The following LUZP1 variants were observed in gnomAD, a reference collection of about 807,000 sequenced individuals.
The protein encoded by LUZP1 is leucine zipper protein 1.
Under a neutral mutation model 71.3 loss-of-function variants are expected in LUZP1, and 25 were observed. The ratio of observed to expected loss-of-function variants is 0.35; its 90% CI spans 0.26 to 0.49. The LOEUF is 0.49. Ranked by LOEUF, LUZP1 falls within the 20% of genes least tolerant of loss-of-function variation. The pLI is 0.99. For missense variants in LUZP1, 1,142 were observed against 1,300.8 expected (o/e 0.88, Z 1.88); for synonymous variants, 481 against 506.4 (o/e 0.95, Z 0.67).
intron 2 of LUZP1, chr1:23,140,417 C>T (rs1023322304): frequency 1.3e-5 from 2 of 152,156 alleles, no homozygotes; most frequent in Non-Finnish European, 2.9e-5. Flanking sequence ...AGATGCACAA[C>T]CAGTGGGCCA....
intron 2 of LUZP1, among the ~76,000 whole-genome samples, chr1:23,132,636 C>T (rs1557666675): frequency 6.6e-6 from 1 of 151,836 alleles, no homozygotes; most frequent in Non-Finnish European, 1.5e-5. Flanking sequence ...GCAGATTATC[C>T]TTATTATTTA....
At chr1:23,116,822 C>T (rs1644083230) in intron 2 of LUZP1, among the ~76,000 whole-genome samples, 1 of 152,256 alleles carries the variant, frequency 6.6e-6, no homozygotes, top group Middle Eastern at 3.4e-3. Flanking sequence ...TCACACTCAA[C>T]TCAGAGAATG....
intron 2 of LUZP1, among the ~76,000 whole-genome samples, chr1:23,166,388 C>T (rs1302267556): frequency 6.6e-6 from 1 of 152,118 alleles, no homozygotes; most frequent in Non-Finnish European, 1.5e-5. Flanking sequence ...GGAGCGGTGG[C>T]TCACACCTGT....
chr1:23,103,896 GA>G (rs1643956365), intron 3 of LUZP1, among the ~76,000 whole-genome samples: 1 of 11,448 alleles, frequency 8.7e-5, no homozygotes, highest in African/African-American at 2.8e-4. Context: ...GGGAGAGAGG[GA>G]GGGAGGGGGG....
At chr1:23,114,474 T>C (rs1331099577) in intron 2 of LUZP1, among the ~76,000 whole-genome samples, 2 of 152,206 alleles carry the variant, frequency 1.3e-5, no homozygotes, top group African/African-American at 2.4e-5. Flanking sequence ...TTGCTATGTA[T>C]GAACCAACCT....
exon 5 of LUZP1, chr1:23,088,699 G>T: frequency 1.6e-6 from 1 of 614,236 alleles, no homozygotes. Context: ...GGGCCTGGGT[G>T]ACTGTCCAGC....
chr1:23,085,307 A>G (rs1643747144), exon 5 of LUZP1: 1 of 152,634 alleles, frequency 6.6e-6, no homozygotes, highest in Admixed American at 6.5e-5. Flanking sequence ...TCTTTAAAAT[A>G]CAAAAAAATA....
intron 2 of LUZP1, among the ~76,000 whole-genome samples, chr1:23,133,004 A>C (rs2124690285): frequency 6.6e-6 from 1 of 152,344 alleles, no homozygotes; most frequent in South Asian, 2.1e-4. Context: ...TGACATAAGA[A>C]GTAAGGAACC....
In LUZP1 at chr1:23,088,687, T is replaced by C; in HGVS notation, c.*208A>G. The C allele has an allele frequency of 2.0e-5, 11 of 556,594 alleles. 1 individual carries two copies. In the South Asian group the frequency reaches 2.9e-4, roughly 14 times the overall value. The allele number at this position is 556,594 out of a possible 1,614,324, so 34.5% of individuals were successfully genotyped here. ...GAGAGGACTCGTGCATTGGGGAAGG[T>C]TGGGCCTGGGTGACTGTCCAGCTTG... On this transcript the variant is annotated 3_prime_UTR_variant, in exon 5 of 5. Coordinates refer to ENST00000302291, the Ensembl canonical transcript of LUZP1.
chr1:23,147,822 C>T (rs1386751108), intron 2 of LUZP1, among the ~76,000 whole-genome samples: 1 of 152,130 alleles, frequency 6.6e-6, no homozygotes, highest in Non-Finnish European at 1.5e-5. Context: ...ATATGTTTTA[C>T]ATTTCACATT....
At chr1:23,138,389 G>A (rs545342440) in intron 2 of LUZP1, among the ~76,000 whole-genome samples, 34 of 152,094 alleles carry the variant, frequency 2.2e-4, no homozygotes, top group Non-Finnish European at 4.0e-4. Context: ...AATGAAAGAA[G>A]TCAGATACAA....
chr1:23,160,683 A>G (rs865984950), intron 2 of LUZP1, among the ~76,000 whole-genome samples: 71 of 152,350 alleles, frequency 4.7e-4, no homozygotes, highest in African/African-American at 1.7e-3. Flanking sequence ...AAACTCTACT[A>G]AAGACCTACT....
intron 2 of LUZP1, among the ~76,000 whole-genome samples, chr1:23,146,202 GA>G (rs1644341593): frequency 6.6e-6 from 1 of 152,112 alleles, no homozygotes; most frequent in African/African-American, 2.4e-5. Flanking sequence ...ATTTTTAGTA[GA>G]GACGGGGTTT....
At chr1:23,142,700 T>TATACACAC (rs1406009401) in intron 2 of LUZP1, among the ~76,000 whole-genome samples, 4 of 104,340 alleles carry the variant, frequency 3.8e-5, no homozygotes, top group Non-Finnish European at 3.8e-5. Flanking sequence ...TATATATATA[T>TATACACAC]ACACACACAC....
intron 2 of LUZP1, among the ~76,000 whole-genome samples, chr1:23,127,547 G>A (rs777918751): frequency 7.2e-5 from 11 of 151,980 alleles, no homozygotes; most frequent in Non-Finnish European, 1.6e-4. Context: ...GTTTTGAGAC[G>A]GAGTCTCGCT....
chr1:23,119,251 C>CTTTTTT lies in LUZP1; in HGVS notation c.-225-10130_-225-10125dup, dbSNP rs35522356. On this transcript the variant is annotated intron_variant, in intron 2 of 4. Transcript: ENST00000302291. ...TTTTAACGACCTGATGTGACTAGCT[C>CTTTTTT]TTTTTTTTTTTTTTTTTTTTTTTTT... 7.4e-4 allele frequency among the ~76,000 whole-genome samples: 52 copies of CTTTTTT among 70,034 alleles called. 1 individual carries two copies. Among genetic ancestry groups the CTTTTTT allele is most frequent in the Non-Finnish European group, 8.5e-4 (34 of 40,194 alleles). 45.9% of individuals were successfully genotyped at this position (70,034 alleles called of 152,430 possible).
intron 2 of LUZP1, among the ~76,000 whole-genome samples, chr1:23,132,863 T>A (rs1248807872): frequency 6.6e-6 from 1 of 152,198 alleles, no homozygotes; most frequent in African/African-American, 2.4e-5. Context: ...TTAAGAAGAT[T>A]ATTAGGTGCA....
chr1:23,175,740 G>C (rs1276313798), intron 1 of LUZP1, among the ~76,000 whole-genome samples: 1 of 152,194 alleles, frequency 6.6e-6, no homozygotes, highest in Non-Finnish European at 1.5e-5. Context: ...TCCTGGACTG[G>C]AGGAGTGGAG....
intron 2 of LUZP1, among the ~76,000 whole-genome samples, chr1:23,143,881 T>G (rs1009211225): frequency 2.0e-5 from 3 of 152,188 alleles, no homozygotes; most frequent in Non-Finnish European, 4.4e-5. Context: ...AGGGTCACAG[T>G]GGTCTTAAGA....
Sources: gnomAD v4.1 joint callset for allele counts (sites outside exome capture counted in the v4.1 genomes callset) on GRCh38, gnomAD v4.1.1 for gene constraint, MANE v1.5 for transcripts, NCBI Gene and HGNC (gene_info 2026-07-23, HGNC 2026-07-21) for gene names.